CDH13: variants seen among roughly 807,000 people sequenced by gnomAD.
The protein encoded by CDH13 is cadherin-13.
In CDH13, 24 loss-of-function variants were observed where a neutral mutation model predicts 63.8. That is an observed-to-expected ratio of 0.38 (90% CI 0.27 to 0.53). The LOEUF is 0.53. Ranked by LOEUF, CDH13 falls within the 20% of genes least tolerant of loss-of-function variation. The probability of loss-of-function intolerance (pLI) is 0.85; values close to 1 mark genes in which losing one functional copy is unlikely to be tolerated. For missense variants in CDH13, 1,049 were observed against 903.1 expected (o/e 1.16, Z -2.07); for synonymous variants, 503 against 355.3 (o/e 1.42, Z -4.67).
intron 7 of CDH13, among the ~76,000 whole-genome samples, chr16:83,506,099 C>T (rs1598177034): frequency 6.6e-6 from 1 of 152,090 alleles, no homozygotes; most frequent in Non-Finnish European, 1.5e-5. Context: ...CCACTCATGG[C>T]AAACAGGATT....
intron 2 of CDH13, among the ~76,000 whole-genome samples, chr16:82,978,343 A>T (rs1909803184): frequency 6.6e-6 from 1 of 152,252 alleles, no homozygotes; most frequent in Non-Finnish European, 1.5e-5. Context: ...TTGCATCAGT[A>T]ATGAGGAGCA....
intron 5 of CDH13, among the ~76,000 whole-genome samples, chr16:83,244,524 C>G (rs1904790894): frequency 6.6e-6 from 1 of 152,148 alleles, no homozygotes; most frequent in South Asian, 2.1e-4. Flanking sequence ...CAGTGTTTCT[C>G]TAAGTAGTTC....
At chr16:83,187,074 G>A (rs937063169) in intron 4 of CDH13, among the ~76,000 whole-genome samples, 1 of 152,038 alleles carries the variant, frequency 6.6e-6, no homozygotes, top group Non-Finnish European at 1.5e-5. Flanking sequence ...GAGTTCAAGT[G>A]ATCCTCCCAC....
intron 2 of CDH13, among the ~76,000 whole-genome samples, chr16:82,934,532 T>A (rs1027139407): frequency 1.3e-5 from 2 of 152,238 alleles, no homozygotes; most frequent in African/African-American, 2.4e-5. Context: ...TAGCTCCTTG[T>A]TACTTATGCA....
At chr16:82,791,569 T>A (rs1418428473) in intron 1 of CDH13, among the ~76,000 whole-genome samples, 1 of 152,190 alleles carries the variant, frequency 6.6e-6, no homozygotes, top group Non-Finnish European at 1.5e-5. Context: ...CTGTGCTTGT[T>A]AGGGCTTGAG....
At chr16:82,767,721 C>G (rs2035109063) in intron 1 of CDH13, among the ~76,000 whole-genome samples, 1 of 152,192 alleles carries the variant, frequency 6.6e-6, no homozygotes, top group Non-Finnish European at 1.5e-5. Context: ...TGCATTGACT[C>G]CCTTGGGTTT....
intron 1 of CDH13, among the ~76,000 whole-genome samples, chr16:82,844,204 A>G (rs550862651): frequency 7.2e-5 from 11 of 152,298 alleles, no homozygotes; most frequent in African/African-American, 2.6e-4. Context: ...AGAGAGACAG[A>G]GAAAAACAGG....
At position 83,434,875 on chromosome 16, in the gene CDH13, GTGTGTGTA is replaced by G. The variant is rs1347761324; in HGVS notation, c.782-51596_782-51589del. 5.1e-4 allele frequency among the ~76,000 whole-genome samples: 36 copies of G among 70,280 alleles called. 1 individual carries two copies. Among genetic ancestry groups the G allele is most frequent in the South Asian group, 2.4e-3 (4 of 1,678 alleles). The allele number at this position is 70,280 out of a possible 152,430, so 46.1% of individuals were successfully genotyped here. ...TGTGTGCGTGTGTGTGTGTGTGTGT[GTGTGTGTA>G]TGTGTATTTAAAATAAACCCCTATT... On this transcript the variant is annotated intron_variant, in intron 6 of 13. Coordinates refer to ENST00000567109, the MANE Select transcript of CDH13 (RefSeq NM_001257.5).
intron 1 of CDH13, among the ~76,000 whole-genome samples, chr16:82,668,991 A>G (rs903806664): frequency 6.6e-6 from 1 of 152,200 alleles, no homozygotes; most frequent in Admixed American, 6.5e-5. Context: ...GGCACAGTGC[A>G]GTCCTGCTGA....
intron 7 of CDH13, among the ~76,000 whole-genome samples, chr16:83,583,444 G>A (rs1905827538): frequency 6.6e-6 from 1 of 152,150 alleles, no homozygotes; most frequent in Non-Finnish European, 1.5e-5. Flanking sequence ...CTCTGTCCAG[G>A]ATTTATTGCA....
chr16:83,656,658 G>C (rs1020402967), intron 8 of CDH13, among the ~76,000 whole-genome samples: 4 of 152,206 alleles, frequency 2.6e-5, no homozygotes, highest in African/African-American at 4.8e-5. Context: ...TCTTGATCAA[G>C]GCTCCTGAGC....
intron 4 of CDH13, among the ~76,000 whole-genome samples, chr16:83,181,982 C>T (rs1422006834): frequency 1.3e-5 from 2 of 152,164 alleles, no homozygotes; most frequent in East Asian, 1.9e-4. Context: ...CACACAGAAG[C>T]TGGATTCCCC....
intron 6 of CDH13, among the ~76,000 whole-genome samples, chr16:83,397,743 C>T (rs1293081995): frequency 6.6e-6 from 1 of 152,196 alleles, no homozygotes; most frequent in Non-Finnish European, 1.5e-5. Context: ...TCTCCTTGTC[C>T]TGTTTCTCCC....
In CDH13 at chr16:82,627,128, C is replaced by T. The variant is rs765925404; in HGVS notation, c.36C>T (p.Leu12=). 6.8e-6 allele frequency: 11 copies of T among 1,607,102 alleles called. No homozygotes were observed. In the Admixed American group the frequency reaches 1.9e-4, roughly 27 times the overall value. ...QPRTPLVLCV[L]LSQVLLLTSA... ...GAACTCCGCTCGTTCTGTGCGTTCT[C>T]CTGTCCCAGGTAGGGAAGAGGGGCT... Residue 12 remains leucine, a synonymous_variant, in exon 1 of 14, where the codon CTC becomes CTT. Coordinates refer to ENST00000567109, the MANE Select transcript of CDH13 (RefSeq NM_001257.5).
chr16:82,708,779 A>T (rs1319459579), intron 1 of CDH13, among the ~76,000 whole-genome samples: 1 of 152,178 alleles, frequency 6.6e-6, no homozygotes, highest in East Asian at 1.9e-4. Flanking sequence ...CAGTTTTCTG[A>T]GACACCCCTC....
At chr16:83,722,773 G>GGC (rs1278554243) in intron 10 of CDH13, among the ~76,000 whole-genome samples, 1 of 152,188 alleles carries the variant, frequency 6.6e-6, no homozygotes, top group African/African-American at 2.4e-5. Flanking sequence ...ACCAGGCTGG[G>GGC]GGGGTGGATT....
At chr16:83,734,423 G>A (rs566167098) in intron 10 of CDH13, among the ~76,000 whole-genome samples, 39 of 152,210 alleles carry the variant, frequency 2.6e-4, no homozygotes, top group South Asian at 6.2e-4. Flanking sequence ...AAATGTAACC[G>A]TGTTTGGGAA....
At chr16:83,770,415 C>T (rs970030939) in intron 11 of CDH13, among the ~76,000 whole-genome samples, 1 of 152,132 alleles carries the variant, frequency 6.6e-6, no homozygotes, top group Admixed American at 6.5e-5. Flanking sequence ...CAGGGGGCCA[C>T]AGCTCTTAAA....
At chr16:83,312,158 C>T (rs1312030179) in intron 5 of CDH13, among the ~76,000 whole-genome samples, 1 of 151,546 alleles carries the variant, frequency 6.6e-6, no homozygotes, top group African/African-American at 2.4e-5. Context: ...TCATTTTCTG[C>T]CCTTGATTGC....
Sources: gnomAD v4.1 joint callset for allele counts (sites outside exome capture counted in the v4.1 genomes callset) on GRCh38, gnomAD v4.1.1 for gene constraint, MANE v1.5 for transcripts, NCBI Gene and HGNC (gene_info 2026-07-23, HGNC 2026-07-21) for gene names.